The following FBXO25 variants were observed in gnomAD, a reference collection of about 807,000 sequenced individuals.
FBXO25 encodes F-box protein 25.
In FBXO25, 45 loss-of-function variants were observed where a neutral mutation model predicts 51.9. That is an observed-to-expected ratio of 0.87 (90% CI 0.68 to 1.11). The LOEUF is 1.11. FBXO25 is among the 50% of genes most tolerant of loss of function. FBXO25 has a pLI of 0.00. For synonymous variants in FBXO25, 199 were observed against 151.0 expected (o/e 1.32, Z -2.33); for missense variants, 507 against 428.5 (o/e 1.18, Z -1.62).
chr8:428,088 C>G (rs35389027), intron 2 of FBXO25, among the ~76,000 whole-genome samples: 2 of 152,104 alleles, frequency 1.3e-5, no homozygotes, highest in Non-Finnish European at 2.9e-5. Context: ...AGAAATAGTT[C>G]CGTTCTTGGC....
chr8:464,682 C>G (rs148330116), intron 9 of FBXO25, among the ~76,000 whole-genome samples: 1 of 152,276 alleles, frequency 6.6e-6, no homozygotes, highest in African/African-American at 2.4e-5. Flanking sequence ...TACATTTATT[C>G]TAAGTGTGGC....
At chr8:468,479 A>G (rs970531230) in intron 9 of FBXO25, among the ~76,000 whole-genome samples, 5 of 152,094 alleles carry the variant, frequency 3.3e-5, no homozygotes, top group African/African-American at 1.2e-4. Context: ...ACTGGAGGGC[A>G]GACCTGGGGC....
chr8:428,089 C>T (rs1293409438), intron 2 of FBXO25, among the ~76,000 whole-genome samples: 3 of 152,114 alleles, frequency 2.0e-5, no homozygotes, highest in Admixed American at 6.5e-5. Flanking sequence ...GAAATAGTTC[C>T]GTTCTTGGCT....
At chr8:423,142 T>C (rs920124906) in intron 2 of FBXO25, among the ~76,000 whole-genome samples, 3 of 150,672 alleles carry the variant, frequency 2.0e-5, no homozygotes, top group African/African-American at 4.9e-5. Context: ...CCATGGGCAA[T>C]TGGGACTACA....
intron 2 of FBXO25, among the ~76,000 whole-genome samples, chr8:415,883 T>G (rs1447801633): frequency 6.6e-6 from 1 of 152,230 alleles, no homozygotes; most frequent in Non-Finnish European, 1.5e-5. Context: ...CCATCAGATT[T>G]CAGTGTTATT....
At chr8:460,505 A>C (rs1425231573) in intron 8 of FBXO25, among the ~76,000 whole-genome samples, 2 of 152,248 alleles carry the variant, frequency 1.3e-5, no homozygotes, top group Admixed American at 6.5e-5. Context: ...TAGATAAGGA[A>C]GCATCCTCAA....
intron 1 of FBXO25, among the ~76,000 whole-genome samples, chr8:410,428 GA>G (rs1270458634): frequency 1.3e-5 from 2 of 149,532 alleles, no homozygotes; most frequent in Admixed American, 1.3e-4. Flanking sequence ...TTATCCACTT[GA>G]TTTTTTTTTT....
chr8:420,861 G>T (rs1407250829), intron 2 of FBXO25, among the ~76,000 whole-genome samples: 2 of 152,194 alleles, frequency 1.3e-5, no homozygotes, highest in African/African-American at 4.8e-5. Flanking sequence ...CTGTGCACCT[G>T]TCAAAACCCA....
At chr8:421,243 G>C (rs918956899) in intron 2 of FBXO25, among the ~76,000 whole-genome samples, 1 of 152,226 alleles carries the variant, frequency 6.6e-6, no homozygotes, top group Non-Finnish European at 1.5e-5. Context: ...GATGATCTGA[G>C]GTGGCACAGT....
intron 9 of FBXO25, chr8:468,152 C>A: frequency 9.7e-7 from 1 of 1,029,362 alleles, no homozygotes; most frequent in Non-Finnish European, 1.2e-6. Flanking sequence ...CGTCACTTCT[C>A]ATATTAAATA....
In FBXO25 at chr8:449,126, C is replaced by A. The variant is rs181481457; in HGVS notation, c.382-864C>A. 4.6e-5 allele frequency among the ~76,000 whole-genome samples: 7 copies of A among 152,252 alleles called. No homozygotes were observed. The East Asian group carries it at 1.4e-3, about 29-fold the overall frequency. On this transcript the variant is annotated intron_variant, in intron 5 of 9. Coordinates refer to ENST00000350302, the MANE Select transcript of FBXO25 (RefSeq NM_183420.2). ...TTGAATCAAAAAGTGAAACCCAACT[C>A]CAAGTTGTACGTAAGAAGCACACCT...
At chr8:449,941 C>G (rs1158727810) in intron 5 of FBXO25, 49 bp from the exon 6 acceptor site, 1 of 1,291,416 alleles carries the variant, frequency 7.7e-7, no homozygotes, top group Non-Finnish European at 1.1e-6. Context: ...GTTTGTAATT[C>G]CATATTAAAT....
chr8:453,515 G>T (rs566125316), intron 7 of FBXO25, among the ~76,000 whole-genome samples: 1 of 152,158 alleles, frequency 6.6e-6, no homozygotes, highest in Non-Finnish European at 1.5e-5. Flanking sequence ...TACCAGCTCA[G>T]TTAACTGAGC....
chr8:465,758 C>G lies in FBXO25; in HGVS notation c.987+2608C>G, dbSNP rs1444218348. Among the ~76,000 whole-genome samples the G allele has an allele frequency of 2.6e-5, 4 of 152,172 alleles. No homozygotes were observed. In the South Asian group the frequency reaches 6.2e-4, roughly 24 times the overall value. On this transcript the variant is annotated intron_variant, in intron 9 of 9. Coordinates refer to ENST00000350302, the MANE Select transcript of FBXO25 (RefSeq NM_183420.2). ...TTTCCACTGTGGCATCATGTCACTG[C>G]TCAAAAGTTTGGGATTTTGGAGCAT...
At position 434,230 on chromosome 8, in the gene FBXO25, T is replaced by C. The variant is rs145321575; in HGVS notation, c.288+1295T>C. Among the ~76,000 whole-genome samples, 1,439 of 152,212 alleles carry C rather than the reference T, an allele frequency of 9.5e-3. 19 individuals are homozygous for C. Among genetic ancestry groups the C allele is most frequent in the African/African-American group, 0.033 (1,362 of 41,538 alleles). ...TGCTGCTTGTCCATGCTGGCTGGTG[T>C]CTCACCGCTTCCGAGGTTACATGCT... On this transcript the variant is annotated intron_variant, in intron 4 of 9. Coordinates refer to ENST00000350302, the MANE Select transcript of FBXO25 (RefSeq NM_183420.2).
At chr8:437,384 C>T (rs1432757167) in intron 5 of FBXO25, among the ~76,000 whole-genome samples, 4 of 152,202 alleles carry the variant, frequency 2.6e-5, no homozygotes, top group Non-Finnish European at 5.9e-5. Context: ...TGTTGCATGG[C>T]TGTCCCAGCA....
Position 458,140 on chromosome 8 carries a change from C to T in FBXO25, c.661-229C>T, listed in dbSNP as rs78390282. 4.0e-3 allele frequency among the ~76,000 whole-genome samples: 615 copies of T among 152,348 alleles called. 1 individual carries two copies. Among genetic ancestry groups the T allele is most frequent in the Middle Eastern group, 6.8e-3 (2 of 294 alleles). ...GGGAGGTGCAGCAGTAGGGCCTCAC[C>T]CAGGAACAGCCTGGTTCTGTCACGC... On this transcript the variant is annotated intron_variant, in intron 7 of 9. Coordinates refer to ENST00000350302, the MANE Select transcript of FBXO25 (RefSeq NM_183420.2).
intron 2 of FBXO25, among the ~76,000 whole-genome samples, chr8:416,471 T>C (rs763463952): frequency 2.6e-5 from 4 of 152,248 alleles, no homozygotes; most frequent in Non-Finnish European, 4.4e-5. Flanking sequence ...TTGTTAATTA[T>C]CTCACAGGGA....
intron 6 of FBXO25, 84 bp from the exon 7 acceptor site, chr8:451,185 G>A (rs1799063389): frequency 2.6e-6 from 3 of 1,156,208 alleles, no homozygotes; most frequent in Non-Finnish European, 3.6e-6. Context: ...GTCTATCAGT[G>A]GACATTTGGG....
Sources: allele counts gnomAD v4.1 joint callset (sites outside exome capture counted in the v4.1 genomes callset), GRCh38; gene constraint gnomAD v4.1.1; transcripts MANE v1.5; gene names NCBI Gene and HGNC (gene_info 2026-07-23, HGNC 2026-07-21).